The following MRE11 variants were observed in gnomAD, a reference collection of about 807,000 sequenced individuals.
MRE11 encodes MRE11 double strand break repair nuclease.
In MRE11, 62 loss-of-function variants were observed where a neutral mutation model predicts 91.7. That is an observed-to-expected ratio of 0.68 (90% CI 0.55 to 0.84). The LOEUF is 0.84. MRE11 is among the 40% of genes least tolerant of loss of function. The pLI, the probability that MRE11 is intolerant of heterozygous loss-of-function variation, is 0.00. For missense variants in MRE11, 796 were observed against 852.9 expected, an observed-to-expected ratio of 0.93 and a Z score of 0.83; for synonymous variants, 273 against 271.4, an observed-to-expected ratio of 1.01 and a Z score of -0.06.
intron 11 of MRE11, among the ~76,000 whole-genome samples, chr11:94,462,372 C>T (rs551473440): frequency 1.3e-5 from 2 of 152,126 alleles, no homozygotes; most frequent in African/African-American, 4.8e-5. Flanking sequence ...TTTATAGATT[C>T]AATGCCATCC....
At chr11:94,477,823 A>C (rs761766736) in intron 6 of MRE11, among the ~76,000 whole-genome samples, 1 of 152,216 alleles carries the variant, frequency 6.6e-6, no homozygotes, top group Non-Finnish European at 1.5e-5. Flanking sequence ...GTTTGCAGGC[A>C]GAAAAGGAAG....
chr11:94,452,196 CAA>C (rs35238737), intron 14 of MRE11, among the ~76,000 whole-genome samples: 19 of 94,516 alleles, frequency 2.0e-4, no homozygotes, highest in East Asian at 2.9e-4. Context: ...GACTTTGCCT[CAA>C]AAAAAAAAAA....
rs1187685887 is a variant in MRE11 at position 94,419,494 on chromosome 11, G to GAA, written c.*629_*630dup. The GAA allele has an allele frequency of 2.6e-5, 6 of 231,696 alleles. No individual in the cohort carries two copies. Among genetic ancestry groups the GAA allele is most frequent in the East Asian group, 6.1e-5 (1 of 16,458 alleles). The allele number at this position is 231,696 out of a possible 1,614,324, so 14.4% of individuals were successfully genotyped here. Reference sequence around the variant, plus strand: ...AGAGAGAGAGAGAGAGAGAGAGAGAGAACACCATTAAGGATACAGAATAAT... The same window carrying GAA: ...AGAGAGAGAGAGAGAGAGAGAGAGAGAAAACACCATTAAGGATACAGAATAAT... On this transcript the variant is annotated 3_prime_UTR_variant, in exon 20 of 20. Transcript: ENST00000323929.
chr11:94,439,126 TC>T (rs1945705646), intron 16 of MRE11, among the ~76,000 whole-genome samples: 1 of 152,198 alleles, frequency 6.6e-6, no homozygotes, highest in Non-Finnish European at 1.5e-5. Flanking sequence ...ATTTCCATAC[TC>T]CATGGACCTT....
chr11:94,435,926 GT>G (rs1324168917), intron 17 of MRE11, 27 bp from the exon 18 acceptor site: 8 of 1,586,078 alleles, frequency 5.0e-6, no homozygotes, highest in Non-Finnish European at 6.9e-6. Flanking sequence ...GCAACAAACA[GT>G]TTTTGTGAGA....
intron 16 of MRE11, among the ~76,000 whole-genome samples, chr11:94,439,060 C>T (rs1945703438): frequency 6.6e-6 from 1 of 152,198 alleles, no homozygotes; most frequent in Admixed American, 6.5e-5. Flanking sequence ...TTTACAACTC[C>T]CGTGGCTACA....
intron 14 of MRE11, 54 bp downstream of exon 14, chr11:94,456,222 T>C (rs1490972757): frequency 2.0e-6 from 3 of 1,517,502 alleles, no homozygotes; most frequent in East Asian, 2.3e-5. Context: ...CTACTGGTTA[T>C]TCTAGTTTAA....
chr11:94,468,481 G>A (rs1457210321), intron 9 of MRE11, among the ~76,000 whole-genome samples: 1 of 152,208 alleles, frequency 6.6e-6, no homozygotes, highest in Non-Finnish European at 1.5e-5. Context: ...ATAAATGGCT[G>A]TGTGCACAGT....
At chr11:94,437,346 A>G (rs1945648729) in intron 16 of MRE11, 111 bp from the exon 17 acceptor site, 5 of 875,650 alleles carry the variant, frequency 5.7e-6, no homozygotes, top group Non-Finnish European at 8.9e-6. Flanking sequence ...AAACTGAATG[A>G]TGCCTAATTA....
intron 15 of MRE11, among the ~76,000 whole-genome samples, chr11:94,446,339 G>C (rs1234531526): frequency 6.6e-6 from 1 of 152,094 alleles, no homozygotes; most frequent in Non-Finnish European, 1.5e-5. Context: ...CCTGGGAGGC[G>C]GAAGTTGCAG....
At chr11:94,421,933 T>C (rs1945181780) in intron 19 of MRE11, among the ~76,000 whole-genome samples, 2 of 152,170 alleles carry the variant, frequency 1.3e-5, no homozygotes, top group Admixed American at 6.5e-5. Context: ...ATTTCAGGGA[T>C]ATAGATTTTC....
Position 94,486,895 on chromosome 11 carries a change from G to A in MRE11, c.154-811C>T, listed in dbSNP as rs115370679. ...AAAGTCTAACACAGGCTTTCAAGAC[G>A]TATACGATGCACCTAAAGAAACTTA... is the stretch of plus-strand genomic sequence containing the variant. On this transcript the variant is annotated intron_variant, in intron 3 of 19. Coordinates refer to ENST00000323929, the MANE Select transcript of MRE11 (RefSeq NM_005591.4). Among the ~76,000 whole-genome samples the A allele has an allele frequency of 2.9e-3, 446 of 152,260 alleles. 2 individuals carry two copies. Among genetic ancestry groups the A allele is most frequent in the African/African-American group, 9.1e-3 (377 of 41,540 alleles).
the MRE11 span, among the ~76,000 whole-genome samples, chr11:94,505,225 G>T: frequency 6.6e-6 from 1 of 152,104 alleles, no homozygotes; most frequent in Non-Finnish European, 1.5e-5. Flanking sequence ...TAAAAAAAGT[G>T]AACTGTATAA....
At position 94,486,070 on chromosome 11, in the gene MRE11, C is replaced by T. The variant is rs863224896; in HGVS notation, c.168G>A (p.Leu56=). The T allele has an allele frequency of 6.2e-7, 1 of 1,613,452 alleles. No homozygotes were observed. The change falls in exon 4 of 20, where the codon TTG becomes TTA. Residue 56 remains leucine (L), a synonymous_variant. Coordinates refer to ENST00000323929, the MANE Select transcript of MRE11 (RefSeq NM_005591.4). ...TTTCATGAAAAAGATCACCACCTAA[C>T]AAAATAAAATCCACCTGATCAACAG... ...LAQENEVDFI[L]LGGDLFHENK... is the part of the protein sequence containing the mutation.
At chr11:94,438,043 G>A (rs534097318) in intron 16 of MRE11, among the ~76,000 whole-genome samples, 5 of 152,144 alleles carry the variant, frequency 3.3e-5, no homozygotes, top group East Asian at 1.9e-4. Context: ...CAGGAGAATC[G>A]CTTGAACCCA....
intron 4 of MRE11, among the ~76,000 whole-genome samples, chr11:94,483,399 C>T (rs187085108): frequency 6.6e-6 from 1 of 152,256 alleles, no homozygotes; most frequent in Admixed American, 6.5e-5. Flanking sequence ...ATAATTCCCA[C>T]GTGTTATGGG....
At chr11:94,489,156 G>T (rs1947220640) in intron 3 of MRE11, among the ~76,000 whole-genome samples, 1 of 151,924 alleles carries the variant, frequency 6.6e-6, no homozygotes, top group Non-Finnish European at 1.5e-5. Context: ...AATATGCTAT[G>T]AAAAAAAGCA....
At position 94,418,807 on chromosome 11, in the gene MRE11, GA is replaced by G; in HGVS notation, c.*1317del. On this transcript the variant is annotated 3_prime_UTR_variant, in exon 20 of 20. Coordinates refer to ENST00000323929, the MANE Select transcript of MRE11 (RefSeq NM_005591.4). ...TTAGGTACAGAAAAAATATTTTTAAGAAAGTCAATAGAATGTTATATTGCAA... is the reference window on the plus strand; with the variant it reads ...TTAGGTACAGAAAAAATATTTTTAAGAAGTCAATAGAATGTTATATTGCAA... 1.7e-5 allele frequency: 4 copies of G among 231,778 alleles called. No individual in the cohort carries two copies. The highest frequency in any genetic ancestry group is 3.4e-5 in the Non-Finnish European group (4 of 117,210). 14.4% of individuals were successfully genotyped at this position (231,778 alleles called of 1,614,324 possible).
At chr11:94,505,587 G>C in the MRE11 span, among the ~76,000 whole-genome samples, 1 of 152,174 alleles carries the variant, frequency 6.6e-6, no homozygotes, top group Admixed American at 6.5e-5. Flanking sequence ...TAAAAATTAA[G>C]TTTATAAAGT....
Sources: gnomAD v4.1 joint callset for allele counts (sites outside exome capture counted in the v4.1 genomes callset) on GRCh38, gnomAD v4.1.1 for gene constraint, MANE v1.5 for transcripts, NCBI Gene and HGNC (gene_info 2026-07-23, HGNC 2026-07-21) for gene names.